Variants in CCDC85A observed in about 807,000 individuals in gnomAD.
The protein encoded by CCDC85A is coiled-coil domain-containing protein 85A.
CCDC85A carries 38 observed loss-of-function variants against 50.2 expected under a neutral mutation model. The ratio of observed to expected loss-of-function variants is 0.76; its 90% CI spans 0.58 to 0.99. The LOEUF is 0.99. Among genes scored for constraint, CCDC85A ranks in the 50% least tolerant of loss-of-function variants. The pLI is 0.00. For synonymous variants in CCDC85A, 366 were observed against 301.4 expected (o/e 1.21, Z -2.22); for missense variants, 820 against 742.0 (o/e 1.11, Z -1.22).
chr2:56,212,559 A>G (rs1677223196), intron 2 of CCDC85A, among the ~76,000 whole-genome samples: 2 of 152,060 alleles, frequency 1.3e-5, no homozygotes, highest in Non-Finnish European at 2.9e-5. Context: ...GAGGAAAACT[A>G]TGAAAGAGCT....
At chr2:56,361,392 A>G (rs1256590192) in intron 3 of CCDC85A, among the ~76,000 whole-genome samples, 3 of 152,208 alleles carry the variant, frequency 2.0e-5, no homozygotes, top group African/African-American at 7.2e-5. Flanking sequence ...TTGAGAATAC[A>G]GTCTTAAATA....
At chr2:56,282,188 A>G (rs973120619) in intron 2 of CCDC85A, among the ~76,000 whole-genome samples, 2 of 152,106 alleles carry the variant, frequency 1.3e-5, no homozygotes, top group East Asian at 3.9e-4. Context: ...TCCTCCATTG[A>G]ATTACCTTGG....
chr2:56,191,443 G>C (rs981481236), intron 1 of CCDC85A, among the ~76,000 whole-genome samples: 6 of 152,188 alleles, frequency 3.9e-5, no homozygotes, highest in Admixed American at 1.3e-4. Context: ...GAAGTAGGCA[G>C]AATCAATGTA....
rs867693306 is a variant in CCDC85A, at chr2:56,375,675, T to C, written c.1453-141T>C. On this transcript the variant is annotated intron_variant, in intron 4 of 5. Transcript: ENST00000407595. ...CAGCAAGTGTGTTCCAATGAACAGA[T>C]TGATAGCATTGTAGACTAGGTTAGG... 14 of 782,636 alleles carry C rather than the reference T, an allele frequency of 1.8e-5. No individual in the cohort carries two copies. The East Asian group carries it at 2.2e-4, about 12-fold the overall frequency. The allele number at this position is 782,636 out of a possible 1,614,324, so 48.5% of individuals were successfully genotyped here.
chr2:56,352,493 G>A (rs1365099698), intron 3 of CCDC85A, among the ~76,000 whole-genome samples: 1 of 151,936 alleles, frequency 6.6e-6, no homozygotes, highest in Non-Finnish European at 1.5e-5. Flanking sequence ...TTACAGGCAC[G>A]CGCCACCACG....
chr2:56,368,937 A>G (rs1178919346), intron 3 of CCDC85A, among the ~76,000 whole-genome samples: 1 of 152,088 alleles, frequency 6.6e-6, no homozygotes, highest in Non-Finnish European at 1.5e-5. Flanking sequence ...AATTTTCATT[A>G]AATTAAAAAA....
intron 2 of CCDC85A, among the ~76,000 whole-genome samples, chr2:56,198,168 G>T (rs550168014): frequency 6.6e-6 from 1 of 152,248 alleles, no homozygotes; most frequent in Non-Finnish European, 1.5e-5. Flanking sequence ...GACCCCAGCA[G>T]TGTTTCTCTG....
chr2:56,251,915 A>G (rs1383846688), intron 2 of CCDC85A, among the ~76,000 whole-genome samples: 2 of 151,094 alleles, frequency 1.3e-5, no homozygotes, highest in African/African-American at 2.4e-5. Flanking sequence ...TTTTATTATT[A>G]TTATACTTTA....
At chr2:56,270,129 G>A (rs1486952294) in intron 2 of CCDC85A, among the ~76,000 whole-genome samples, 3 of 152,120 alleles carry the variant, frequency 2.0e-5, no homozygotes, top group Non-Finnish European at 2.9e-5. Context: ...ATGTCAGTCT[G>A]GATTGTTGAT....
chr2:56,346,781 G>A (rs1674652647), intron 3 of CCDC85A, among the ~76,000 whole-genome samples: 1 of 152,098 alleles, frequency 6.6e-6, no homozygotes, highest in Non-Finnish European at 1.5e-5. Flanking sequence ...TGAACAAATG[G>A]GAACATTTTT....
chr2:56,321,202 C>T (rs566322137), intron 2 of CCDC85A, among the ~76,000 whole-genome samples: 1 of 152,180 alleles, frequency 6.6e-6, no homozygotes, highest in South Asian at 2.1e-4. Flanking sequence ...TGGGCAAAAA[C>T]TGGAAGCATT....
At chr2:56,374,394 C>G (rs1032311823) in intron 4 of CCDC85A, among the ~76,000 whole-genome samples, 2 of 152,170 alleles carry the variant, frequency 1.3e-5, no homozygotes, top group African/African-American at 4.8e-5. Context: ...AAATAATAAT[C>G]TGCAATAATA....
At chr2:56,262,334 C>A (rs1407485549) in intron 2 of CCDC85A, among the ~76,000 whole-genome samples, 1 of 152,142 alleles carries the variant, frequency 6.6e-6, no homozygotes. Context: ...TGGGAATTTA[C>A]TGCAAACAGA....
intron 2 of CCDC85A, among the ~76,000 whole-genome samples, chr2:56,294,665 G>A (rs539286571): frequency 2.0e-5 from 3 of 152,274 alleles, no homozygotes; most frequent in East Asian, 1.9e-4. Context: ...GGGACTGACT[G>A]ACAATGACAG....
At chr2:56,268,628 GA>G (rs1328580652) in intron 2 of CCDC85A, among the ~76,000 whole-genome samples, 11 of 146,198 alleles carry the variant, frequency 7.5e-5, no homozygotes, top group Non-Finnish European at 1.1e-4. Context: ...AAGAAAAGAA[GA>G]AAAAAATGAC....
chr2:56,334,958 CATAA>C (rs1010862616), intron 2 of CCDC85A, among the ~76,000 whole-genome samples: 22 of 152,176 alleles, frequency 1.4e-4, no homozygotes, highest in Admixed American at 5.2e-4. Flanking sequence ...GAATTTGCTT[CATAA>C]ATAGTGGACT....
Position 56,381,501 on chromosome 2 carries a change from G to T in CCDC85A, c.1573-2765G>T, listed in dbSNP as rs139157610. ...TTACCATCAGACCTCAGGCAATTCA[G>T]ATATGAACCCCTGGGTAAGAACCCG... On this transcript the variant is annotated intron_variant, in intron 5 of 5. Transcript: ENST00000407595. Among the ~76,000 whole-genome samples, 418 of 152,136 alleles carry T rather than the reference G, an allele frequency of 2.7e-3. 1 individual carries two copies. Among genetic ancestry groups the T allele is most frequent in the African/African-American group, 9.6e-3 (397 of 41,538 alleles).
intron 5 of CCDC85A, among the ~76,000 whole-genome samples, chr2:56,380,970 G>C (rs1053761772): frequency 4.6e-5 from 7 of 151,986 alleles, no homozygotes; most frequent in Non-Finnish European, 1.0e-4. Flanking sequence ...TTTAGCTTTA[G>C]ATCTATTAGG....
intron 2 of CCDC85A, among the ~76,000 whole-genome samples, chr2:56,310,873 T>C (rs919615078): frequency 5.3e-5 from 8 of 152,174 alleles, no homozygotes; most frequent in Non-Finnish European, 1.0e-4. Flanking sequence ...ACAGAAACCA[T>C]GAAGACTGGC....
Sources: gnomAD v4.1 joint callset for allele counts (sites outside exome capture counted in the v4.1 genomes callset) on GRCh38, gnomAD v4.1.1 for gene constraint, MANE v1.5 for transcripts, NCBI Gene and HGNC (gene_info 2026-07-23, HGNC 2026-07-21) for gene names.